PRKG1: variants seen among roughly 807,000 people sequenced by gnomAD.
PRKG1 encodes protein kinase cGMP-dependent 1.
PRKG1 carries 35 observed loss-of-function variants against 88.1 expected under a neutral mutation model. The ratio of observed to expected loss-of-function variants is 0.40; its 90% confidence interval spans 0.30 to 0.53. The LOEUF is 0.53. Among genes scored for constraint, PRKG1 ranks in the 20% least tolerant of loss-of-function variants. The pLI is 0.59. For synonymous variants in PRKG1, 303 were observed against 292.5 expected (o/e 1.04, Z -0.37); for missense variants, 540 against 839.8 (o/e 0.64, Z 4.41).
intron 2 of PRKG1, among the ~76,000 whole-genome samples, chr10:51,395,599 T>C (rs1837556070): frequency 6.6e-6 from 1 of 152,224 alleles, no homozygotes; most frequent in East Asian, 1.9e-4. Flanking sequence ...AAACTGTAAT[T>C]GAGATATAAT....
At chr10:51,103,402 G>C (rs1030415980) in intron 1 of PRKG1, among the ~76,000 whole-genome samples, 1 of 152,128 alleles carries the variant, frequency 6.6e-6, no homozygotes, top group Non-Finnish European at 1.5e-5. Flanking sequence ...GAAGCAGAAT[G>C]ACTTTATATT....
chr10:51,845,704 G>A (rs1433687140), intron 4 of PRKG1, among the ~76,000 whole-genome samples: 1 of 151,932 alleles, frequency 6.6e-6, no homozygotes, highest in Admixed American at 6.6e-5. Flanking sequence ...TGTGGTTTAC[G>A]GTATAATCTC....
At chr10:51,949,855 T>A (rs145559995) in intron 5 of PRKG1, among the ~76,000 whole-genome samples, 1 of 152,338 alleles carries the variant, frequency 6.6e-6, no homozygotes, top group East Asian at 1.9e-4. Context: ...TAATCATACA[T>A]GTATACATGC....
chr10:51,740,308 C>T (rs562296841), intron 3 of PRKG1, among the ~76,000 whole-genome samples: 2 of 152,280 alleles, frequency 1.3e-5, no homozygotes, highest in African/African-American at 4.8e-5. Context: ...GGATGACAGG[C>T]TGGAAACATA....
intron 5 of PRKG1, among the ~76,000 whole-genome samples, chr10:52,028,489 T>G (rs1319856050): frequency 6.6e-6 from 1 of 152,330 alleles, no homozygotes; most frequent in Non-Finnish European, 1.5e-5. Flanking sequence ...ACTCTTTTAT[T>G]ATCATCTCCA....
At chr10:51,604,405 C>T (rs1025553587) in intron 3 of PRKG1, among the ~76,000 whole-genome samples, 3 of 152,080 alleles carry the variant, frequency 2.0e-5, no homozygotes, top group Admixed American at 2.0e-4. Flanking sequence ...AATGTTGTTT[C>T]ATCCCATGTA....
rs553694904 is a variant in PRKG1 at position 52,131,116 on chromosome 10, C to G, written c.936-2724C>G. The stretch of plus-strand genomic sequence containing the variant: ...ACACCAGAATAGTGCAACTCCAAAC[C>G]CTGAGCTCTGCCTTCCTACCCCAGG... On this transcript the variant is annotated intron_variant, in intron 7 of 17. Transcript: ENST00000373980. Among the ~76,000 whole-genome samples the G allele has an allele frequency of 2.8e-4, 42 of 152,214 alleles. No homozygotes were observed. In the South Asian group the frequency reaches 8.5e-3, roughly 31 times the overall value.
chr10:51,029,893 T>C (rs1294431081), intron 1 of PRKG1, among the ~76,000 whole-genome samples: 2 of 152,128 alleles, frequency 1.3e-5, no homozygotes, highest in East Asian at 3.9e-4. Flanking sequence ...GGATAACTTC[T>C]CACATGTTCT....
chr10:51,382,025 G>C (rs1837118655), intron 2 of PRKG1, among the ~76,000 whole-genome samples: 1 of 151,842 alleles, frequency 6.6e-6, no homozygotes, highest in Admixed American at 6.6e-5. Context: ...TTTTGTTGTT[G>C]GTTTTTTTCT....
At chr10:52,001,309 T>C (rs1463839806) in intron 5 of PRKG1, among the ~76,000 whole-genome samples, 1 of 151,892 alleles carries the variant, frequency 6.6e-6, no homozygotes, top group Non-Finnish European at 1.5e-5. Context: ...TGACTATAGT[T>C]AATAATGTAC....
At chr10:51,524,754 A>T (rs890783723) in intron 3 of PRKG1, among the ~76,000 whole-genome samples, 27 of 152,352 alleles carry the variant, frequency 1.8e-4, no homozygotes, top group African/African-American at 6.5e-4. Context: ...ATGAATAGGG[A>T]TGATAAAGGA....
chr10:51,936,351 A>G (rs757567994), intron 5 of PRKG1, among the ~76,000 whole-genome samples: 4 of 152,078 alleles, frequency 2.6e-5, no homozygotes, highest in Non-Finnish European at 5.9e-5. Context: ...CACAGCATTT[A>G]TAACATTTCT....
intron 5 of PRKG1, among the ~76,000 whole-genome samples, chr10:51,925,036 T>C (rs1452643126): frequency 1.3e-5 from 2 of 151,996 alleles, no homozygotes; most frequent in Non-Finnish European, 2.9e-5. Flanking sequence ...ATTTCTGCCA[T>C]ACATGGTTTT....
At chr10:51,099,020 C>A (rs1178033244) in intron 1 of PRKG1, among the ~76,000 whole-genome samples, 1 of 152,192 alleles carries the variant, frequency 6.6e-6, no homozygotes, top group Non-Finnish European at 1.5e-5. Context: ...TCCAGCGTTC[C>A]TTGCTGCACT....
At chr10:52,127,430 T>C (rs1311972824) in intron 7 of PRKG1, among the ~76,000 whole-genome samples, 3 of 152,140 alleles carry the variant, frequency 2.0e-5, no homozygotes, top group Non-Finnish European at 4.4e-5. Context: ...GTCATAGTGT[T>C]ATGTGAGTTT....
chr10:51,688,333 T>C (rs1182563650), intron 3 of PRKG1, among the ~76,000 whole-genome samples: 2 of 152,100 alleles, frequency 1.3e-5, no homozygotes, highest in African/African-American at 2.4e-5. Flanking sequence ...GATTAGGGTA[T>C]ATTCTGTTCT....
At chr10:51,958,089 T>G (rs1032231827) in intron 5 of PRKG1, among the ~76,000 whole-genome samples, 6 of 152,178 alleles carry the variant, frequency 3.9e-5, no homozygotes, top group Non-Finnish European at 8.8e-5. Flanking sequence ...TTTTCAACTT[T>G]GTTTATCTGC....
intron 4 of PRKG1, among the ~76,000 whole-genome samples, chr10:51,813,062 G>A (rs542229782): frequency 2.5e-4 from 38 of 152,262 alleles, no homozygotes; most frequent in African/African-American, 8.2e-4. Flanking sequence ...AGTTGTCTCT[G>A]CTGCTTTAGG....
At chr10:52,218,892 A>T (rs527530875) in intron 9 of PRKG1, among the ~76,000 whole-genome samples, 3 of 152,154 alleles carry the variant, frequency 2.0e-5, no homozygotes, top group African/African-American at 7.2e-5. Flanking sequence ...ATATAATGTT[A>T]ATAATTTTTC....
Sources: allele counts gnomAD v4.1 joint callset (sites outside exome capture counted in the v4.1 genomes callset), GRCh38; gene constraint gnomAD v4.1.1; transcripts MANE v1.5; gene names NCBI Gene and HGNC (gene_info 2026-07-23, HGNC 2026-07-21).